MMP26: variants seen among roughly 807,000 people sequenced by gnomAD.
The protein encoded by MMP26 is matrix metallopeptidase 26, also known as matrix metalloproteinase-26.
Under a neutral mutation model 31.0 loss-of-function variants are expected in MMP26, and 33 were observed. That is an observed-to-expected ratio of 1.06 (90% CI 0.81 to 1.42). MMP26 has a LOEUF of 1.42. MMP26 is among the 40% of genes most tolerant of loss of function. The pLI is 0.00. For missense variants in MMP26, 347 were observed against 316.1 expected (o/e 1.10, Z -0.74); for synonymous variants, 122 against 114.9 (o/e 1.06, Z -0.40).
At chr11:4,838,759 G>A (rs929103161) in intron 2 of MMP26, among the ~76,000 whole-genome samples, 3 of 152,094 alleles carry the variant, frequency 2.0e-5, no homozygotes, top group African/African-American at 7.2e-5. Context: ...ACAAGATGTA[G>A]GAATAGAAGG....
chr11:4,830,971 T>C (rs2133480486), intron 2 of MMP26, among the ~76,000 whole-genome samples: 2 of 152,346 alleles, frequency 1.3e-5, no homozygotes, highest in South Asian at 4.1e-4. Context: ...ATGGCATCTA[T>C]GTTATGGGAT....
chr11:4,713,512 T>C (rs1013625510), intron 1 of MMP26, among the ~76,000 whole-genome samples: 2 of 152,134 alleles, frequency 1.3e-5, no homozygotes, highest in Admixed American at 6.6e-5. Context: ...ATATCCCTCA[T>C]TGTAAACACT....
chr11:4,719,838 A>C (rs1392112256), intron 1 of MMP26, among the ~76,000 whole-genome samples: 4 of 152,208 alleles, frequency 2.6e-5, no homozygotes, highest in African/African-American at 9.6e-5. Context: ...GGTGCAGCTT[A>C]GTTTGCAAAT....
chr11:4,918,708 G>A (rs1167315907), intron 2 of MMP26, among the ~76,000 whole-genome samples: 1 of 152,160 alleles, frequency 6.6e-6, no homozygotes, highest in Non-Finnish European at 1.5e-5. Flanking sequence ...AATCCATGGC[G>A]TTTCTGCCCT....
chr11:4,821,843 C>A, intron 2 of MMP26: 1 of 1,613,344 alleles, frequency 6.2e-7, no homozygotes, highest in Non-Finnish European at 8.5e-7. Flanking sequence ...CTTACCAATG[C>A]CCGAATTGCC....
At chr11:4,932,166 G>C (rs894615731) in intron 2 of MMP26, among the ~76,000 whole-genome samples, 7 of 151,870 alleles carry the variant, frequency 4.6e-5, no homozygotes, top group African/African-American at 1.7e-4. Context: ...ACACACAGGT[G>C]GAGGTCTACA....
chr11:4,792,491 G>A (rs923534307), intron 2 of MMP26, among the ~76,000 whole-genome samples: 1 of 152,140 alleles, frequency 6.6e-6, no homozygotes, highest in Non-Finnish European at 1.5e-5. Context: ...AGAGTAAAGA[G>A]CCTTGTTTGT....
intron 2 of MMP26, among the ~76,000 whole-genome samples, chr11:4,857,843 C>G (rs536156867): frequency 8.5e-5 from 13 of 152,206 alleles, no homozygotes; most frequent in African/African-American, 3.1e-4. Context: ...ACTGGCAAAC[C>G]GAATCCAGCA....
At chr11:4,945,432 T>A (rs1564812073) in intron 2 of MMP26, 1 of 152,592 alleles carries the variant, frequency 6.6e-6, no homozygotes, top group East Asian at 1.9e-4. Context: ...CCATGTAGGG[T>A]CTTAGAATAT....
At chr11:4,848,430 A>T (rs368393494) in intron 2 of MMP26, 21 of 1,613,890 alleles carry the variant, frequency 1.3e-5, no homozygotes, top group Non-Finnish European at 1.6e-5. Context: ...GATCATAGGG[A>T]TATAGAAGAG....
intron 2 of MMP26, among the ~76,000 whole-genome samples, chr11:4,839,077 C>G (rs945762160): frequency 6.6e-6 from 1 of 151,948 alleles, no homozygotes; most frequent in Non-Finnish European, 1.5e-5. Context: ...AGGAAAATAA[C>G]AAATAACAAC....
chr11:4,731,922 C>T (rs996583221), intron 1 of MMP26, among the ~76,000 whole-genome samples: 1 of 152,164 alleles, frequency 6.6e-6, no homozygotes, highest in Non-Finnish European at 1.5e-5. Context: ...AGACTATTAG[C>T]TCTTTATCTG....
Position 4,914,976 on chromosome 11 carries a change from C to A in MMP26, c.-144-73092C>A. 2 of 1,614,026 alleles carry A rather than the reference C, an allele frequency of 1.2e-6. No individual in the cohort carries two copies. The highest frequency in any genetic ancestry group is 1.7e-6 in the Non-Finnish European group (2 of 1,179,992). ...TCAGCCCTGGAGGCGATGGACAGCACGGTGCGCAGGATCAGAGCATAAGAG... is the reference window on the plus strand; with the variant it reads ...TCAGCCCTGGAGGCGATGGACAGCAAGGTGCGCAGGATCAGAGCATAAGAG... On this transcript the variant is annotated intron_variant, in intron 2 of 7. Transcript: ENST00000380390.
At chr11:4,739,579 G>C (rs973291755) in intron 1 of MMP26, among the ~76,000 whole-genome samples, 1 of 151,800 alleles carries the variant, frequency 6.6e-6, no homozygotes, top group Non-Finnish European at 1.5e-5. Context: ...CCAACCACTT[G>C]ATATGGAGAA....
intron 1 of MMP26, among the ~76,000 whole-genome samples, chr11:4,729,254 A>T (rs942015509): frequency 9.2e-5 from 14 of 152,110 alleles, no homozygotes; most frequent in Non-Finnish European, 1.6e-4. Context: ...CACTACAAAT[A>T]TTTTCAAAGG....
At chr11:4,785,860 T>G (rs12787711) in intron 2 of MMP26, among the ~76,000 whole-genome samples, 14,437 of 152,238 alleles carry the variant, frequency 0.095, 858 homozygotes, top group Middle Eastern at 0.15. Context: ...CTCTACTGTC[T>G]AATAGATCTG....
Position 4,882,751 on chromosome 11 carries a change from C to G in MMP26, c.-144-105317C>G, listed in dbSNP as rs764345760. On this transcript the variant is annotated intron_variant, in intron 2 of 7. Transcript: ENST00000380390. ...GCACTTTGGCCAATATTTATCTGCT[C>G]TTACCACCTGTGCTGAACCCTATCA... 21 of 1,613,818 alleles carry G rather than the reference C, an allele frequency of 1.3e-5. No individual in the cohort carries two copies. In the East Asian group the frequency reaches 2.7e-4, roughly 21 times the overall value.
At chr11:4,946,701 A>G (rs114055962) in intron 2 of MMP26, 1 of 1,590,294 alleles carries the variant, frequency 6.3e-7, no homozygotes. Flanking sequence ...ATTGAGGTGT[A>G]TCTCAGAGGG....
chr11:4,719,467 C>G (rs1159909782), intron 1 of MMP26: 2 of 153,802 alleles, frequency 1.3e-5, no homozygotes, highest in Non-Finnish European at 2.9e-5. Context: ...CCTACTAATC[C>G]CTCCTGTAAT....
Sources: gnomAD v4.1 joint callset for allele counts (sites outside exome capture counted in the v4.1 genomes callset) on GRCh38, gnomAD v4.1.1 for gene constraint, MANE v1.5 for transcripts, NCBI Gene and HGNC (gene_info 2026-07-23, HGNC 2026-07-21) for gene names.